LSR: variants seen among roughly 807,000 people sequenced by gnomAD.
The protein encoded by LSR is lipolysis stimulated lipoprotein receptor.
In LSR, 44 loss-of-function variants were observed where a neutral mutation model predicts 61.8. That is an observed-to-expected ratio of 0.71 (90% CI 0.56 to 0.91). The LOEUF is 0.91. Ranked by LOEUF, LSR falls within the 40% of genes least tolerant of loss-of-function variation. LSR has a pLI of 0.00. For synonymous variants in LSR, 397 were observed against 350.6 expected (o/e 1.13, Z -1.48); for missense variants, 911 against 830.5 (o/e 1.10, Z -1.19).
rs2066023434 is a variant in LSR, at chr19:35,267,283, G to A, written c.1319G>A (p.Arg440Gln). 2 of 1,510,612 alleles carry A rather than the reference G, an allele frequency of 1.3e-6. No homozygotes were observed. Among genetic ancestry groups the A allele is most frequent in the South Asian group, 1.3e-5 (1 of 78,718 alleles). The allele number at this position is 1,510,612 out of a possible 1,614,324, so 93.6% of individuals were successfully genotyped here. A position where few individuals can be genotyped will look rare whatever the true frequency, so the allele number is the denominator to read the frequency against. The change falls in exon 9 of 10, where the codon CGG becomes CAG. Residue 440 changes from arginine (R) to glutamine (Q), a missense_variant. Physicochemically the swap from Arg to Gln is conservative, Grantham distance 43 (BLOSUM62 1). Coordinates refer to ENST00000605618, the MANE Select transcript of LSR (RefSeq NM_205834.4). ...GCAGGCGGGGGCTGGCGGGCCAGGCGGCCCCGGGCCCGCTCCGTGGACGCC... is the reference window on the plus strand; with the variant it reads ...GCAGGCGGGGGCTGGCGGGCCAGGCAGCCCCGGGCCCGCTCCGTGGACGCC... ...EQAGGGWRAR[R>Q]PRARSVDALD...
At position 35,267,262 on chromosome 19, in the gene LSR, G is replaced by A. The variant is rs759354305; in HGVS notation, c.1298G>A (p.Gly433Asp). The change falls in exon 9 of 10, where the codon GGC becomes GAC. Residue 433 changes from glycine to aspartate, a missense_variant. By Grantham distance (94) the Gly-to-Asp change is moderately conservative. Transcript: ENST00000605618. ...WDQEPAREQA[G>D]GGWRARRPRA... ...CAGGAGCCCGCCAGGGAGCAGGCAG[G>A]CGGGGGCTGGCGGGCCAGGCGGCCC... 1.3e-5 allele frequency: 20 copies of A among 1,516,758 alleles called. No homozygotes were observed. The highest frequency in any genetic ancestry group is 1.8e-5 in the Non-Finnish European group (20 of 1,132,842). The allele number at this position is 1,516,758 out of a possible 1,614,324, so 94.0% of individuals were successfully genotyped here.
Position 35,266,943 on chromosome 19 carries a change from C to G in LSR, c.1120C>G (p.Pro374Ala). The G allele has an allele frequency of 6.2e-7, 1 of 1,613,474 alleles. No individual in the cohort carries two copies. Among genetic ancestry groups the G allele is most frequent in the Non-Finnish European group, 8.5e-7 (1 of 1,179,698 alleles). Residue 374 changes from proline to alanine, a missense_variant, in exon 8 of 10, where the codon CCC becomes GCC. Coordinates refer to ENST00000605618, the MANE Select transcript of LSR (RefSeq NM_205834.4). ...LANFDPSRPG[P>A]PSGRVERAMS... Reference sequence around the variant, plus strand: ...CAACTTCGACCCTTCTCGACCTGGCCCCCCCAGTGGCCGTGTGGAGCGGGG... The same window carrying G: ...CAACTTCGACCCTTCTCGACCTGGCGCCCCCAGTGGCCGTGTGGAGCGGGG...
chr19:35,264,298 G>A (rs1459029794), intron 5 of LSR: 1 of 152,096 alleles, frequency 6.6e-6, no homozygotes, highest in African/African-American at 2.4e-5. Flanking sequence ...AGAGAAGACA[G>A]AAGACAGAGA....
intron 5 of LSR, chr19:35,264,758 G>A (rs2065974658): frequency 6.6e-6 from 1 of 152,162 alleles, no homozygotes; most frequent in South Asian, 2.1e-4. Flanking sequence ...TATAAAATGG[G>A]GCTTATGGCA....
intron 2 of LSR, among the ~76,000 whole-genome samples, chr19:35,251,239 G>T (rs780208734): frequency 6.6e-6 from 1 of 152,028 alleles, no homozygotes; most frequent in Non-Finnish European, 1.5e-5. Context: ...CACTTCCCTC[G>T]TGGAGCCCAC....
At chr19:35,250,729 A>G in intron 2 of LSR, 70 bp downstream of exon 2, 1 of 1,245,456 alleles carries the variant, frequency 8.0e-7, no homozygotes, top group Non-Finnish European at 1.1e-6. Flanking sequence ...CTTGTGCGGG[A>G]CCTGGAGTCC....
chr19:35,252,648 C>CAAA (rs57052855), intron 2 of LSR, among the ~76,000 whole-genome samples: 20 of 74,698 alleles, frequency 2.7e-4, no homozygotes, highest in South Asian at 5.3e-4. Context: ...GACTCTGTCT[C>CAAA]AAAAAAAAAA....
intron 3 of LSR, among the ~76,000 whole-genome samples, chr19:35,259,749 C>G (rs915809016): frequency 6.6e-6 from 1 of 152,216 alleles, no homozygotes; most frequent in Non-Finnish European, 1.5e-5. Flanking sequence ...TCATCTCACC[C>G]GAGTCCCTCG....
intron 2 of LSR, among the ~76,000 whole-genome samples, chr19:35,257,337 T>C (rs897886339): frequency 6.6e-6 from 1 of 152,036 alleles, no homozygotes; most frequent in Non-Finnish European, 1.5e-5. Context: ...AGGGGGACAG[T>C]GCAAATCTAG....
In LSR at chr19:35,267,820, G is replaced by A; in HGVS notation, c.1771-4G>A. 1 of 1,613,920 alleles carries A rather than the reference G, an allele frequency of 6.2e-7. No individual in the cohort carries two copies. On this transcript the variant is annotated splice_polypyrimidine_tract_variant and splice_region_variant and intron_variant, in intron 9 of 9. Coordinates refer to ENST00000605618, the MANE Select transcript of LSR (RefSeq NM_205834.4). ...TCATACCCTTCTTTCTTTCTCCCTT[G>A]CAGAACTTGGCCCTGAGTCGGGAAA...
At position 35,261,972 on chromosome 19, in the gene LSR, C is replaced by T; in HGVS notation, c.622C>T (p.Pro208Ser). 6.6e-7 allele frequency: 1 copy of T among 1,508,090 alleles called. No individual in the cohort carries two copies. The highest frequency in any genetic ancestry group is 8.8e-7 in the Non-Finnish European group (1 of 1,138,978). The allele number at this position is 1,508,090 out of a possible 1,614,324, so 93.4% of individuals were successfully genotyped here. A position where few individuals can be genotyped will look rare whatever the true frequency, so the allele number is the denominator to read the frequency against. ...AELLPGFQAGPIEDWLFVVVV... is the reference protein window; with the variant it reads ...AELLPGFQAGSIEDWLFVVVV... ...GCTCTTACCTGGTTTTCAGGCGGGG[C>T]CCATAGAAGGTACGGGGGGTGGATC... Residue 208 changes from proline (P) to serine (S), a missense_variant, in exon 4 of 10, where the codon CCC becomes TCC. Coordinates refer to ENST00000605618, the MANE Select transcript of LSR (RefSeq NM_205834.4).
chr19:35,256,025 G>T (rs2065852240), intron 2 of LSR, among the ~76,000 whole-genome samples: 1 of 152,284 alleles, frequency 6.6e-6, no homozygotes, highest in South Asian at 2.1e-4. Context: ...TTGAGGTCAG[G>T]AGTTCCAGAC....
rs1365917397 is a variant in LSR, at chr19:35,258,887, C to A, written c.455-58C>A. On this transcript the variant is annotated intron_variant, in intron 2 of 9. Coordinates refer to ENST00000605618, the MANE Select transcript of LSR (RefSeq NM_205834.4). ...GTGCTGGGAAGGGGTCTTTGGCCCT[C>A]CAGGGGTTAGGTGCCCCAGCCTCCA... The A allele has an allele frequency of 6.8e-6, 11 of 1,610,122 alleles. No homozygotes were observed. In the East Asian group the frequency reaches 1.6e-4, roughly 23 times the overall value.
chr19:35,262,050 A>C (rs895955908), intron 4 of LSR, 69 bp downstream of exon 4: 8 of 1,367,450 alleles, frequency 5.9e-6, no homozygotes, highest in Non-Finnish European at 8.0e-6. Flanking sequence ...TTCTGACTCT[A>C]GTTAGTATCC....
chr19:35,267,216 C>A lies in LSR; in HGVS notation c.1252C>A (p.Arg418=). The change falls in exon 9 of 10, where the codon CGG becomes AGG. Residue 418 remains arginine (R), a synonymous_variant. Coordinates refer to ENST00000605618, the MANE Select transcript of LSR (RefSeq NM_205834.4). ...RDEEWGGHSP[R]SPRGWDQEPA... ...TGAGGAGTGGGGTGGCCACTCCCCCCGGAGTCCCAGGGGATGGGACCAGGA... is the reference window on the plus strand; with the variant it reads ...TGAGGAGTGGGGTGGCCACTCCCCCAGGAGTCCCAGGGGATGGGACCAGGA... 1.3e-6 allele frequency: 2 copies of A among 1,522,026 alleles called. No individual in the cohort carries two copies. Among genetic ancestry groups the A allele is most frequent in the East Asian group, 2.3e-5 (1 of 43,996 alleles). 94.3% of individuals were successfully genotyped at this position (1,522,026 alleles called of 1,614,324 possible).
At chr19:35,249,389 G>A (rs2065761375) in intron 1 of LSR, 1 of 501,934 alleles carries the variant, frequency 2.0e-6, no homozygotes. Context: ...GAGCGGCAGG[G>A]AGAATGGAAC....
In LSR at chr19:35,250,636, G is replaced by A; in HGVS notation, c.431G>A (p.Gly144Asp). The change falls in exon 2 of 10, where the codon GGC becomes GAC. Residue 144 changes from glycine to aspartate, a missense_variant. By Grantham distance (94) the Gly-to-Asp change is moderately conservative. Coordinates refer to ENST00000605618, the MANE Select transcript of LSR (RefSeq NM_205834.4). ...NAVTLGDYYQ[G>D]RRITITGNAD... ...GTGACCCTGGGAGATTACTACCAGG[G>A]CCGGAGGATTACCATCACCGGAAGT... is the stretch of plus-strand genomic sequence containing the variant. 6.4e-7 allele frequency: 1 copy of A among 1,574,216 alleles called. No individual in the cohort carries two copies. The highest frequency in any genetic ancestry group is 8.7e-7 in the Non-Finnish European group (1 of 1,153,622).
chr19:35,262,212 G>A (rs187609879), intron 4 of LSR, among the ~76,000 whole-genome samples: 131 of 152,274 alleles, frequency 8.6e-4, no homozygotes, highest in African/African-American at 2.8e-3. Flanking sequence ...TGGCACCTGC[G>A]GTGCTCTTGA....
intron 2 of LSR, 28 bp from the exon 3 acceptor site, chr19:35,258,917 G>T: frequency 6.2e-7 from 1 of 1,613,104 alleles, no homozygotes; most frequent in Non-Finnish European, 8.5e-7. Flanking sequence ...CCTCCAAGGT[G>T]CCCTCACGCC....
Sources: allele counts gnomAD v4.1 joint callset (sites outside exome capture counted in the v4.1 genomes callset), GRCh38; gene constraint gnomAD v4.1.1; transcripts MANE v1.5; gene names NCBI Gene and HGNC (gene_info 2026-07-23, HGNC 2026-07-21).